Variants in SLC7A6 observed in about 807,000 individuals in gnomAD.
The protein encoded by SLC7A6 is solute carrier family 7 member 6.
SLC7A6 carries 29 observed loss-of-function variants against 46.6 expected under a neutral mutation model. The observed-to-expected ratio is 0.62, with a 90% CI of 0.46 to 0.85. The LOEUF (loss-of-function observed/expected upper bound fraction) is 0.85. SLC7A6 is among the 40% of genes least tolerant of loss of function. SLC7A6 has a pLI of 0.00. For missense variants in SLC7A6, 527 were observed against 647.6 expected, an observed-to-expected ratio of 0.81 and a Z score of 2.02; for synonymous variants, 276 against 257.3, an observed-to-expected ratio of 1.07 and a Z score of -0.70.
intron 2 of SLC7A6, among the ~76,000 whole-genome samples, chr16:68,271,420 T>A (rs1596968816): frequency 1.3e-5 from 2 of 151,658 alleles, no homozygotes; most frequent in African/African-American, 4.9e-5. Flanking sequence ...ATCCTCCCAC[T>A]TCAGCCTCCT....
Position 68,297,899 on chromosome 16 carries a change from C to CTGAT in SLC7A6, c.*574_*577dup, listed in dbSNP as rs1163136032. The CTGAT allele has an allele frequency of 1.3e-5, 2 of 152,672 alleles. No individual in the cohort carries two copies. The highest frequency in any genetic ancestry group is 2.9e-5 in the Non-Finnish European group (2 of 68,090). 9.5% of individuals were successfully genotyped at this position (152,672 alleles called of 1,614,324 possible). A position where few individuals can be genotyped will look rare whatever the true frequency, so the allele number is the denominator to read the frequency against. On this transcript the variant is annotated 3_prime_UTR_variant, in exon 11 of 11. Coordinates refer to ENST00000219343, the MANE Select transcript of SLC7A6 (RefSeq NM_003983.6). ...CTCTTCATCTACAGGATGCAATAGG[C>CTGAT]TGATTGTATTTAAAAATCAAAGTAC...
At chr16:68,291,685 T>C (rs772934656) in intron 7 of SLC7A6, 24 bp downstream of exon 7, 1 of 1,591,514 alleles carries the variant, frequency 6.3e-7, no homozygotes, top group South Asian at 1.1e-5. Context: ...GTGTCACTGA[T>C]AATAGACCAC....
chr16:68,279,561 C>CA (rs890139530), intron 3 of SLC7A6, among the ~76,000 whole-genome samples: 4 of 152,076 alleles, frequency 2.6e-5, no homozygotes, highest in African/African-American at 7.2e-5. Flanking sequence ...TTTTTTGAGA[C>CA]AGAGTCTTGC....
At chr16:68,283,151 G>C (rs2042860107) in intron 3 of SLC7A6, among the ~76,000 whole-genome samples, 1 of 152,198 alleles carries the variant, frequency 6.6e-6, no homozygotes, top group Non-Finnish European at 1.5e-5. Flanking sequence ...TTCTGCGAGA[G>C]GGTGCATATG....
chr16:68,283,911 G>C (rs934207764), intron 3 of SLC7A6, among the ~76,000 whole-genome samples: 1 of 152,176 alleles, frequency 6.6e-6, no homozygotes, highest in African/African-American at 2.4e-5. Context: ...TGGGAGTTCT[G>C]GGAAGCAATA....
intron 8 of SLC7A6, among the ~76,000 whole-genome samples, chr16:68,295,204 C>A (rs970735782): frequency 6.6e-6 from 1 of 152,138 alleles, no homozygotes; most frequent in East Asian, 1.9e-4. Flanking sequence ...TAATCCTCCC[C>A]ATCAGCACCA....
At position 68,301,413 on chromosome 16, in the gene SLC7A6, G is replaced by A; in HGVS notation, c.*4085G>A. Reference sequence around the variant, plus strand: ...TGTTGTAGTCAGCAGAGCCTAGAATGACATCCCGGGAGTGGATTCTAAATG... The same window carrying A: ...TGTTGTAGTCAGCAGAGCCTAGAATAACATCCCGGGAGTGGATTCTAAATG... On this transcript the variant is annotated 3_prime_UTR_variant, in exon 11 of 11. Transcript: ENST00000219343. 1 of 1,611,854 alleles carries A rather than the reference G, an allele frequency of 6.2e-7. No individual in the cohort carries two copies. The highest frequency in any genetic ancestry group is 8.5e-7 in the Non-Finnish European group (1 of 1,178,636).
At chr16:68,274,608 A>G in intron 2 of SLC7A6, 83 bp from the exon 3 acceptor site, 1 of 1,187,698 alleles carries the variant, frequency 8.4e-7, no homozygotes. Context: ...CTGTCCCTAA[A>G]TAGGAAGTGG....
chr16:68,285,084 T>C (rs1220565340), intron 3 of SLC7A6, among the ~76,000 whole-genome samples: 1 of 152,160 alleles, frequency 6.6e-6, no homozygotes, highest in Non-Finnish European at 1.5e-5. Flanking sequence ...TTCTGCTTCT[T>C]TTTGTGTTCT....
At chr16:68,280,403 G>C (rs2042808396) in intron 3 of SLC7A6, among the ~76,000 whole-genome samples, 1 of 152,172 alleles carries the variant, frequency 6.6e-6, no homozygotes, top group African/African-American at 2.4e-5. Context: ...TGGCCCGTGA[G>C]CCAGACTTGG....
intron 2 of SLC7A6, among the ~76,000 whole-genome samples, chr16:68,267,644 C>T (rs1008276213): frequency 2.0e-5 from 3 of 152,132 alleles, no homozygotes; most frequent in African/African-American, 7.2e-5. Context: ...ATTTTTTGGT[C>T]TTCAGCCCGT....
chr16:68,282,910 G>A (rs1445125401), intron 3 of SLC7A6, among the ~76,000 whole-genome samples: 4 of 152,154 alleles, frequency 2.6e-5, no homozygotes, highest in Non-Finnish European at 4.4e-5. Flanking sequence ...GAGCCACTGC[G>A]CCCGGCCTTT....
chr16:68,273,424 T>C (rs974064318), intron 2 of SLC7A6, among the ~76,000 whole-genome samples: 9 of 152,092 alleles, frequency 5.9e-5, no homozygotes, highest in African/African-American at 1.9e-4. Flanking sequence ...CTTCTGAAGA[T>C]GAGATGGGAT....
chr16:68,293,701 A>C (rs891940002), intron 7 of SLC7A6, among the ~76,000 whole-genome samples: 1 of 152,184 alleles, frequency 6.6e-6, no homozygotes, highest in Non-Finnish European at 1.5e-5. Context: ...CAAAGAGGCC[A>C]CGCTCTTTCA....
rs752870252 is a variant in SLC7A6, at chr16:68,296,624, C to A, written c.1270-3C>A. Reference sequence around the variant, plus strand: ...ACTTAATCTCTCACCCCCTCTATTTCAGCTGAGCGTGTTTTTCCCCATCGT... The same window carrying A: ...ACTTAATCTCTCACCCCCTCTATTTAAGCTGAGCGTGTTTTTCCCCATCGT... On this transcript the variant is annotated splice_region_variant and splice_polypyrimidine_tract_variant and intron_variant, in intron 9 of 10. Transcript: ENST00000219343. 2 of 1,614,186 alleles carry A rather than the reference C, an allele frequency of 1.2e-6. No homozygotes were observed. Among genetic ancestry groups the A allele is most frequent in the South Asian group, 2.2e-5 (2 of 91,082 alleles).
chr16:68,265,562 T>C (rs1316718014), intron 1 of SLC7A6: 1 of 152,086 alleles, frequency 6.6e-6, no homozygotes, highest in African/African-American at 2.4e-5. Flanking sequence ...TGCTCCCAGA[T>C]TTCAGATCTG....
rs566844636 is a variant in SLC7A6 at position 68,293,079 on chromosome 16, C to T, written c.1022+1418C>T. The stretch of plus-strand genomic sequence containing the variant: ...CACACCAGTCCATGTGTTGTGCCTC[C>T]CTGGGGCAAGCAAAGAATTAGAGAA... On this transcript the variant is annotated intron_variant, in intron 7 of 10. Transcript: ENST00000219343. Among the ~76,000 whole-genome samples, 3 of 152,190 alleles carry T rather than the reference C, an allele frequency of 2.0e-5. No homozygotes were observed. The East Asian group carries it at 5.8e-4, about 29-fold the overall frequency.
intron 7 of SLC7A6, among the ~76,000 whole-genome samples, chr16:68,294,450 G>A (rs1433858070): frequency 6.6e-6 from 1 of 152,122 alleles, no homozygotes; most frequent in African/African-American, 2.4e-5. Flanking sequence ...TGAGAGAAGA[G>A]GGGGTATCTG....
At chr16:68,287,913 A>G in intron 4 of SLC7A6, 42 bp downstream of exon 4, 2 of 1,605,056 alleles carry the variant, frequency 1.2e-6, no homozygotes, top group Non-Finnish European at 1.7e-6. Flanking sequence ...GTTCCTCTGG[A>G]TTCCCTGAGG....
Sources: allele counts gnomAD v4.1 joint callset (sites outside exome capture counted in the v4.1 genomes callset), GRCh38; gene constraint gnomAD v4.1.1; transcripts MANE v1.5; gene names NCBI Gene and HGNC (gene_info 2026-07-23, HGNC 2026-07-21).